Variants in QTMAN observed in about 807,000 individuals in gnomAD.
QTMAN encodes the protein queuosine-tRNA mannosyltransferase, also known as tRNA-queuosine alpha-mannosyltransferase.
At chr2:144,119,696 T>C in the QTMAN span, among the ~76,000 whole-genome samples, 4 of 152,008 alleles carry the variant, frequency 2.6e-5, no homozygotes, top group African/African-American at 9.7e-5. Context: ...TAAGACAGAG[T>C]ACCTGCTTCA....
the QTMAN span, among the ~76,000 whole-genome samples, chr2:144,182,900 ATT>A: frequency 1.1e-4 from 11 of 97,336 alleles, no homozygotes; most frequent in African/African-American, 2.3e-4. Context: ...ATATATATAT[ATT>A]ATATATATAT....
the QTMAN span, among the ~76,000 whole-genome samples, chr2:144,037,511 G>C: frequency 6.6e-6 from 1 of 152,150 alleles, no homozygotes; most frequent in Non-Finnish European, 1.5e-5. Flanking sequence ...TCATGAGCAC[G>C]TGTGTCACAA....
chr2:143,951,827 C>A, the QTMAN span, among the ~76,000 whole-genome samples: 1 of 151,532 alleles, frequency 6.6e-6, no homozygotes, highest in South Asian at 2.1e-4. Context: ...CAACTGGCAT[C>A]CAGTTTAATT....
At chr2:144,284,573 C>T in the QTMAN span, among the ~76,000 whole-genome samples, 1 of 152,000 alleles carries the variant, frequency 6.6e-6, no homozygotes, top group African/African-American at 2.4e-5. Flanking sequence ...TTTTCTATAA[C>T]ATGTATGTCA....
At chr2:144,014,586 T>G in the QTMAN span, among the ~76,000 whole-genome samples, 3 of 152,022 alleles carry the variant, frequency 2.0e-5, no homozygotes, top group Non-Finnish European at 4.4e-5. Flanking sequence ...GAAAGAAAAT[T>G]TCTAGTTATC....
the QTMAN span, among the ~76,000 whole-genome samples, chr2:144,008,369 C>A: frequency 6.6e-6 from 1 of 151,392 alleles, no homozygotes; most frequent in South Asian, 2.1e-4. Context: ...ACTTGGGGCT[C>A]AATAAAGGCT....
chr2:144,089,535 T>C, the QTMAN span, among the ~76,000 whole-genome samples: 8 of 151,754 alleles, frequency 5.3e-5, no homozygotes, highest in South Asian at 2.1e-4. Flanking sequence ...AGATACGGAG[T>C]CAACTTAAGT....
At chr2:144,246,594 A>AG in the QTMAN span, among the ~76,000 whole-genome samples, 1 of 151,038 alleles carries the variant, frequency 6.6e-6, no homozygotes, top group East Asian at 1.9e-4. Flanking sequence ...AAAAAAAAAA[A>AG]AAAAAAAAGA....
At chr2:143,970,713 T>C in the QTMAN span, 4 of 1,609,850 alleles carry the variant, frequency 2.5e-6, no homozygotes, top group Admixed American at 3.3e-5. Context: ...CCTAAGTCTT[T>C]AAGATGCATT....
chr2:144,042,694 G>A, the QTMAN span, among the ~76,000 whole-genome samples: 1 of 151,194 alleles, frequency 6.6e-6, no homozygotes, highest in Non-Finnish European at 1.5e-5. Flanking sequence ...AACCCGGAAG[G>A]CGGAGCTTGC....
the QTMAN span, among the ~76,000 whole-genome samples, chr2:144,312,644 T>C: frequency 6.6e-6 from 1 of 152,208 alleles, no homozygotes; most frequent in South Asian, 2.1e-4. Flanking sequence ...TTAGGCTTTG[T>C]GTCCCCACCC....
the QTMAN span, among the ~76,000 whole-genome samples, chr2:143,959,115 G>T: frequency 6.6e-6 from 1 of 151,876 alleles, no homozygotes; most frequent in Admixed American, 6.6e-5. Context: ...TATCTAGCTA[G>T]ACACTAAACG....
At chr2:144,074,066 G>A in the QTMAN span, among the ~76,000 whole-genome samples, 2 of 152,266 alleles carry the variant, frequency 1.3e-5, no homozygotes, top group South Asian at 4.1e-4. Flanking sequence ...AAGAGAACAT[G>A]CTCCTATTTG....
the QTMAN span, among the ~76,000 whole-genome samples, chr2:144,288,414 A>C: frequency 6.6e-6 from 1 of 152,230 alleles, no homozygotes; most frequent in Non-Finnish European, 1.5e-5. Context: ...TCTATCCTTT[A>C]CAATTCATAT....
At chr2:144,056,144 A>T in the QTMAN span, among the ~76,000 whole-genome samples, 1 of 152,342 alleles carries the variant, frequency 6.6e-6, no homozygotes, top group Non-Finnish European at 1.5e-5. Context: ...TAGCTTTATG[A>T]TGTCATATTT....
chr2:143,956,817 A>T, the QTMAN span, among the ~76,000 whole-genome samples: 5 of 152,018 alleles, frequency 3.3e-5, no homozygotes, highest in Non-Finnish European at 7.4e-5. Flanking sequence ...TAGATTCAGG[A>T]TTTTGTCTTG....
At chr2:144,244,841 G>A in the QTMAN span, among the ~76,000 whole-genome samples, 5 of 152,126 alleles carry the variant, frequency 3.3e-5, no homozygotes, top group African/African-American at 7.2e-5. Context: ...GAGAAATACC[G>A]TTCATATGTG....
chr2:143,961,930 C>T, the QTMAN span, among the ~76,000 whole-genome samples: 15 of 152,098 alleles, frequency 9.9e-5, no homozygotes, highest in Admixed American at 9.8e-4. Flanking sequence ...GGGTATCAGC[C>T]CAGTTAATAA....
the QTMAN span, among the ~76,000 whole-genome samples, chr2:144,033,812 A>T: frequency 2.0e-5 from 3 of 152,164 alleles, no homozygotes; most frequent in Admixed American, 6.5e-5. Context: ...ACAACAAAAG[A>T]CACTCCTTTC....
Sources: gnomAD v4.1 joint callset for allele counts (sites outside exome capture counted in the v4.1 genomes callset) on GRCh38, gnomAD v4.1.1 for gene constraint, MANE v1.5 for transcripts, NCBI Gene and HGNC (gene_info 2026-07-23, HGNC 2026-07-21) for gene names.